Variants in TMEM69 observed in about 807,000 individuals in gnomAD.
The protein encoded by TMEM69 is chromosome 1 open reading frame 154.
A neutral mutation model predicts 15.8 loss-of-function variants in TMEM69; 17 were observed. The ratio of observed to expected loss-of-function variants is 1.07; its 90% CI spans 0.73 to 1.61. The LOEUF is 1.61. Among genes scored for constraint, TMEM69 ranks in the 40% most tolerant of loss-of-function variants. The probability of loss-of-function intolerance (pLI) is 0.00; values close to 1 mark genes in which losing one functional copy is unlikely to be tolerated. For synonymous variants in TMEM69, 80 were observed against 98.6 expected (o/e 0.81, Z 1.12); for missense variants, 230 against 286.1 (o/e 0.80, Z 1.41).
At chr1:45,689,159 C>G (rs1393051478) in intron 1 of TMEM69, among the ~76,000 whole-genome samples, 1 of 151,976 alleles carries the variant, frequency 6.6e-6, no homozygotes, top group Non-Finnish European at 1.5e-5. Flanking sequence ...CCACCCACCT[C>G]GGCCTCCCAA....
Position 45,691,127 on chromosome 1 carries a change from G to A in TMEM69, c.42+17G>A, listed in dbSNP as rs370166809. On this transcript the variant is annotated intron_variant, in intron 2 of 2. Transcript: ENST00000372025. ...TCTTCAAAGGTTGGTTTGTTCAGCAGATATTTGAGCACTATTTGCCAAATA... is the reference window on the plus strand; with the variant it reads ...TCTTCAAAGGTTGGTTTGTTCAGCAAATATTTGAGCACTATTTGCCAAATA... 40 of 1,613,536 alleles carry A rather than the reference G, an allele frequency of 2.5e-5. No homozygotes were observed. In the Admixed American group the frequency reaches 2.5e-4, roughly 10 times the overall value.
intron 1 of TMEM69, 128 bp from the exon 2 acceptor site, chr1:45,690,844 CTG>C (rs1287325529): frequency 1.6e-5 from 9 of 574,224 alleles, no homozygotes; most frequent in South Asian, 2.2e-5. Flanking sequence ...TATTTTGTTA[CTG>C]TGTTACCGAC....
intron 2 of TMEM69, among the ~76,000 whole-genome samples, chr1:45,692,706 G>C (rs932135101): frequency 2.0e-5 from 3 of 152,218 alleles, no homozygotes; most frequent in Admixed American, 2.0e-4. Context: ...GTAAGAGCTA[G>C]AATTCTAGGC....
intron 2 of TMEM69, among the ~76,000 whole-genome samples, chr1:45,691,446 G>A (rs1027737849): frequency 1.3e-5 from 2 of 152,130 alleles, no homozygotes; most frequent in African/African-American, 4.8e-5. Context: ...GGGAGGCTGA[G>A]AGAGGAGGAT....
At chr1:45,689,631 A>G (rs1322541705) in intron 1 of TMEM69, among the ~76,000 whole-genome samples, 1 of 152,174 alleles carries the variant, frequency 6.6e-6, no homozygotes, top group Admixed American at 6.5e-5. Flanking sequence ...TCACGAGGTC[A>G]GGAGATCGAG....
chr1:45,691,645 C>T, intron 2 of TMEM69, among the ~76,000 whole-genome samples: 1 of 152,006 alleles, frequency 6.6e-6, no homozygotes, highest in African/African-American at 2.4e-5. Flanking sequence ...TCAGTACCTG[C>T]CTGGCCAACA....
chr1:45,693,722 C>T lies in TMEM69; in HGVS notation c.561C>T (p.Val187=). 1 of 1,614,152 alleles carries T rather than the reference C, an allele frequency of 6.2e-7. No individual in the cohort carries two copies. The highest frequency in any genetic ancestry group is 8.5e-7 in the Non-Finnish European group (1 of 1,180,038). ...CTGAAAGACTTAGTGAAGCCATAGT[C>T]ACAGTAATAATGGGTATGGGAGTAG... is the stretch of plus-strand genomic sequence containing the variant. ...LISERLSEAI[V]TVIMGMGVAF... is the part of the protein sequence containing the mutation. The change falls in exon 3 of 3, where the codon GTC becomes GTT. Residue 187 remains valine, a synonymous_variant. Transcript: ENST00000372025.
intron 2 of TMEM69, among the ~76,000 whole-genome samples, chr1:45,692,594 A>C (rs1210163452): frequency 6.6e-6 from 1 of 152,224 alleles, no homozygotes; most frequent in East Asian, 1.9e-4. Context: ...AAGTGTGCAC[A>C]GGGTGCTTAC....
intron 2 of TMEM69, among the ~76,000 whole-genome samples, chr1:45,691,618 C>T (rs529515107): frequency 1.6e-4 from 24 of 151,944 alleles, no homozygotes; most frequent in Non-Finnish European, 3.1e-4. Flanking sequence ...GCAGGTGGAT[C>T]ACTTGAGGTC....
rs939166776 is a variant in TMEM69 at position 45,693,856 on chromosome 1, T to C, written c.695T>C (p.Val232Ala). 1 of 1,611,508 alleles carries C rather than the reference T, an allele frequency of 6.2e-7. No individual in the cohort carries two copies. The highest frequency in any genetic ancestry group is 1.3e-5 in the African/African-American group (1 of 74,714). The change falls in exon 3 of 3, where the codon GTT becomes GCT. Residue 232 changes from valine to alanine, a missense_variant. Physicochemically the swap from Val to Ala is moderately conservative, Grantham distance 64. Transcript: ENST00000372025. ...TTTTCATTTATAATCACTTTAGTAG[T>C]TAAAAGTAGTTTTCCAGAAAAAGGA... ...ATFSFIITLV[V>A]KSSFPEKGHK...
intron 1 of TMEM69, among the ~76,000 whole-genome samples, chr1:45,690,424 C>T (rs185515836): frequency 1.3e-5 from 2 of 152,216 alleles, no homozygotes; most frequent in Non-Finnish European, 1.5e-5. Context: ...ATTGCTTGAA[C>T]CCGGTAGGCA....
chr1:45,691,143 T>G, intron 2 of TMEM69, 33 bp downstream of exon 2: 1 of 1,599,222 alleles, frequency 6.3e-7, no homozygotes, highest in Non-Finnish European at 8.6e-7. Flanking sequence ...TGAGCACTAT[T>G]TGCCAAATAT....
At position 45,694,427 on chromosome 1, in the gene TMEM69, A is replaced by T. The variant is rs1337714609; in HGVS notation, c.*522A>T. 6.8e-7 allele frequency: 1 copy of T among 1,480,712 alleles called. No individual in the cohort carries two copies. Among genetic ancestry groups the T allele is most frequent in the African/African-American group, 1.4e-5 (1 of 71,692 alleles). The allele number at this position is 1,480,712 out of a possible 1,614,324, so 91.7% of individuals were successfully genotyped here. On this transcript the variant is annotated 3_prime_UTR_variant, in exon 3 of 3. Coordinates refer to ENST00000372025, the MANE Select transcript of TMEM69 (RefSeq NM_016486.4). ...TTAACCATCTTGAAAATTAAAGATT[A>T]AAAATCCCCTTTGTTAGAGTCTTGT...
At position 45,693,909 on chromosome 1, in the gene TMEM69, A is replaced by C. The variant is rs1425245156; in HGVS notation, c.*4A>C. On this transcript the variant is annotated 3_prime_UTR_variant, in exon 3 of 3. Transcript: ENST00000372025. ...TAAGAGACCTGGTCAAGTATAAAAA[A>C]TATAAAAGTCTGGGAAGTGAGGAGC... The C allele has an allele frequency of 6.4e-7, 1 of 1,571,168 alleles. No homozygotes were observed. The highest frequency in any genetic ancestry group is 8.6e-7 in the Non-Finnish European group (1 of 1,160,658).
intron 2 of TMEM69, among the ~76,000 whole-genome samples, chr1:45,692,241 T>G (rs989248273): frequency 2.3e-4 from 35 of 152,138 alleles, no homozygotes; most frequent in African/African-American, 7.2e-4. Context: ...AGACGTAGGA[T>G]TGGACTTACA....
chr1:45,688,915 T>C (rs1352688628), intron 1 of TMEM69, among the ~76,000 whole-genome samples: 3 of 151,484 alleles, frequency 2.0e-5, no homozygotes, highest in African/African-American at 4.9e-5. Context: ...TTTTTTTTTT[T>C]TTTTTTGAGA....
Position 45,690,977 on chromosome 1 carries a change from C to A in TMEM69, c.-92C>A. The A allele has an allele frequency of 7.1e-7, 1 of 1,400,830 alleles. No individual in the cohort carries two copies. Among genetic ancestry groups the A allele is most frequent in the Non-Finnish European group, 1.0e-6 (1 of 991,110 alleles). The allele number at this position is 1,400,830 out of a possible 1,614,324, so 86.8% of individuals were successfully genotyped here. ...TGACACCTTGTGTTATACACAGAAA[C>A]ATGCCCCTGATTCAGTGCCTCTGCT... On this transcript the variant is annotated 5_prime_UTR_variant, in exon 2 of 3. Transcript: ENST00000372025.
Position 45,693,201 on chromosome 1 carries a change from T to C in TMEM69, c.43-3T>C. The C allele has an allele frequency of 6.4e-7, 1 of 1,573,672 alleles. No homozygotes were observed. Among genetic ancestry groups the C allele is most frequent in the Non-Finnish European group, 8.6e-7 (1 of 1,160,874 alleles). On this transcript the variant is annotated splice_polypyrimidine_tract_variant and splice_region_variant and intron_variant, in intron 2 of 2. Transcript: ENST00000372025. ...TTGTCTTTTGGTTCTATTTTCTTTG[T>C]AGATACTGAAGTACTCTTTCCCAGT...
intron 1 of TMEM69, among the ~76,000 whole-genome samples, chr1:45,688,615 A>G (rs1253855295): frequency 6.6e-6 from 1 of 152,126 alleles, no homozygotes; most frequent in Non-Finnish European, 1.5e-5. Flanking sequence ...CGTGCCACAG[A>G]GGAAAGGGAG....
Sources: allele counts gnomAD v4.1 joint callset (sites outside exome capture counted in the v4.1 genomes callset), GRCh38; gene constraint gnomAD v4.1.1; transcripts MANE v1.5; gene names NCBI Gene and HGNC (gene_info 2026-07-23, HGNC 2026-07-21).